OSBPL10: variants seen among roughly 807,000 people sequenced by gnomAD.
The protein encoded by OSBPL10 is oxysterol binding protein like 10.
In OSBPL10, 49 loss-of-function variants were observed where a neutral mutation model predicts 81.7. That is an observed-to-expected ratio of 0.60 (90% CI 0.48 to 0.76). The LOEUF (loss-of-function observed/expected upper bound fraction) is 0.76. Ranked by LOEUF, OSBPL10 falls within the 30% of genes least tolerant of loss-of-function variation. The pLI is 0.00. For missense variants in OSBPL10, 923 were observed against 987.8 expected, an observed-to-expected ratio of 0.93 and a Z score of 0.88; for synonymous variants, 419 against 383.6, an observed-to-expected ratio of 1.09 and a Z score of -1.08.
chr3:31,763,986 T>G (rs1698132177), intron 4 of OSBPL10, among the ~76,000 whole-genome samples: 1 of 152,182 alleles, frequency 6.6e-6, no homozygotes, highest in African/African-American at 2.4e-5. Flanking sequence ...CAGTCACCAT[T>G]TTACAGAAGA....
chr3:31,731,355 C>G (rs935203406), intron 6 of OSBPL10, among the ~76,000 whole-genome samples: 1 of 152,086 alleles, frequency 6.6e-6, no homozygotes, highest in Non-Finnish European at 1.5e-5. Flanking sequence ...CTTGCTCTGA[C>G]AAAACAATTA....
At chr3:31,796,225 A>G (rs1699207467) in intron 4 of OSBPL10, 1 of 200,092 alleles carries the variant, frequency 5.0e-6, no homozygotes, top group Non-Finnish European at 1.1e-5. Flanking sequence ...CTCATTTGAC[A>G]CAGGAGAGTT....
chr3:31,733,212 GC>G (rs1697030275), intron 6 of OSBPL10, 44 bp downstream of exon 6: 2 of 1,592,518 alleles, frequency 1.3e-6, no homozygotes, highest in East Asian at 2.2e-5. Context: ...TTCTGAACAA[GC>G]GATAACACAA....
chr3:31,884,325 G>A (rs1346547365), intron 1 of OSBPL10, among the ~76,000 whole-genome samples: 2 of 152,122 alleles, frequency 1.3e-5, no homozygotes, highest in African/African-American at 4.8e-5. Context: ...TGTGTACTAA[G>A]GAGAGTTATC....
At chr3:31,977,171 G>A (rs986151645) in intron 1 of OSBPL10, among the ~76,000 whole-genome samples, 9 of 151,966 alleles carry the variant, frequency 5.9e-5, no homozygotes, top group Non-Finnish European at 1.0e-4. Flanking sequence ...CACAAAGGAC[G>A]TCTCAACCTC....
chr3:31,975,523 G>A (rs895294297), intron 1 of OSBPL10, among the ~76,000 whole-genome samples: 1 of 152,208 alleles, frequency 6.6e-6, no homozygotes, highest in Non-Finnish European at 1.5e-5. Flanking sequence ...TGTTAATCCA[G>A]ATAGAGTCAA....
At chr3:31,916,604 C>T (rs4350946) in intron 1 of OSBPL10, among the ~76,000 whole-genome samples, 56,230 of 152,068 alleles carry the variant, frequency 0.37, 12,296 homozygotes, top group Non-Finnish European at 0.5. Context: ...CATGGCTCAC[C>T]AATGAGTAAG....
intron 2 of OSBPL10, among the ~76,000 whole-genome samples, chr3:31,988,415 G>A (rs531843096): frequency 9.2e-5 from 14 of 152,272 alleles, no homozygotes; most frequent in Admixed American, 2.0e-4. Context: ...AAAAAAATTT[G>A]TGGCCAGAGG....
At chr3:31,819,398 A>G (rs1699927100) in intron 4 of OSBPL10, among the ~76,000 whole-genome samples, 1 of 152,164 alleles carries the variant, frequency 6.6e-6, no homozygotes, top group Non-Finnish European at 1.5e-5. Flanking sequence ...TGATATTTCC[A>G]CTTTACATAC....
chr3:31,670,946 T>C lies in OSBPL10; in HGVS notation c.1764A>G (p.Val588=). The stretch of plus-strand genomic sequence containing the variant: ...GGGCGTAGGCACTAGGCAGGGTGAA[T>C]ACGTACTCCTCCCCGTGTTCCAGGA... ...LRLLEHGEEY[V]FTLPSAYARS... is the part of the protein sequence containing the mutation. The change falls in exon 9 of 12, where the codon GTA becomes GTG. Residue 588 remains valine (V), a synonymous_variant. Transcript: ENST00000396556. The C allele has an allele frequency of 6.2e-7, 1 of 1,613,784 alleles. No individual in the cohort carries two copies. Among genetic ancestry groups the C allele is most frequent in the Non-Finnish European group, 8.5e-7 (1 of 1,179,868 alleles).
intron 10 of OSBPL10, 75 bp downstream of exon 10, chr3:31,668,564 GTCT>G: frequency 3.0e-6 from 4 of 1,346,154 alleles, no homozygotes; most frequent in Non-Finnish European, 4.0e-6. Flanking sequence ...AAGTTTCAAA[GTCT>G]TCTTTCTTCT....
intron 1 of OSBPL10, among the ~76,000 whole-genome samples, chr3:31,937,413 A>G (rs1559524987): frequency 6.6e-6 from 1 of 152,208 alleles, no homozygotes; most frequent in Non-Finnish European, 1.5e-5. Flanking sequence ...CCGAGAAGGC[A>G]TAGCCAACTT....
At chr3:31,939,541 A>C (rs572787453) in intron 1 of OSBPL10, among the ~76,000 whole-genome samples, 45 of 151,570 alleles carry the variant, frequency 3.0e-4, no homozygotes, top group African/African-American at 9.9e-4. Flanking sequence ...TTCTAGATTT[A>C]TCTCTCCCAA....
chr3:31,690,379 G>T (rs775993292), intron 7 of OSBPL10, among the ~76,000 whole-genome samples: 1 of 152,110 alleles, frequency 6.6e-6, no homozygotes, highest in African/African-American at 2.4e-5. Flanking sequence ...CTGCAAAACT[G>T]GTCAATTAAA....
At chr3:31,754,494 G>A (rs1697831405) in intron 4 of OSBPL10, among the ~76,000 whole-genome samples, 2 of 152,118 alleles carry the variant, frequency 1.3e-5, no homozygotes, top group Non-Finnish European at 2.9e-5. Context: ...GACACAGAAA[G>A]AGAAGGGAGA....
At chr3:31,724,825 G>A (rs1436143826) in intron 6 of OSBPL10, among the ~76,000 whole-genome samples, 2 of 152,178 alleles carry the variant, frequency 1.3e-5, no homozygotes, top group Non-Finnish European at 2.9e-5. Flanking sequence ...TGAGAAGGAA[G>A]GAGGGCAGAA....
chr3:31,730,810 C>T (rs1451299592), intron 6 of OSBPL10, among the ~76,000 whole-genome samples: 2 of 152,226 alleles, frequency 1.3e-5, no homozygotes, highest in Admixed American at 6.5e-5. Context: ...TGGTACCCCA[C>T]TTATCCCCCC....
intron 6 of OSBPL10, among the ~76,000 whole-genome samples, chr3:31,714,424 G>T (rs1337359133): frequency 2.6e-5 from 4 of 152,182 alleles, no homozygotes; most frequent in Non-Finnish European, 5.9e-5. Context: ...CAGCAGGCAG[G>T]TAAGGAAGAG....
chr3:31,856,567 C>T (rs1700917199), intron 3 of OSBPL10, among the ~76,000 whole-genome samples: 1 of 152,220 alleles, frequency 6.6e-6, no homozygotes, highest in African/African-American at 2.4e-5. Flanking sequence ...CCCCCAAAGA[C>T]TTGCTACTTC....
Sources: gnomAD v4.1 joint callset for allele counts (sites outside exome capture counted in the v4.1 genomes callset) on GRCh38, gnomAD v4.1.1 for gene constraint, MANE v1.5 for transcripts, NCBI Gene and HGNC (gene_info 2026-07-23, HGNC 2026-07-21) for gene names.